Variants in SIRT5 observed in about 807,000 individuals in gnomAD.
SIRT5 encodes NAD-dependent protein deacylase sirtuin-5, mitochondrial.
In SIRT5, 26 loss-of-function variants were observed where a neutral mutation model predicts 40.0. That is an observed-to-expected ratio of 0.65 (90% CI 0.48 to 0.90). The LOEUF (loss-of-function observed/expected upper bound fraction) is 0.90. Among genes scored for constraint, SIRT5 ranks in the 40% least tolerant of loss-of-function variants. The pLI, the probability that SIRT5 is intolerant of heterozygous loss-of-function variation, is 0.00. For missense variants in SIRT5, 401 were observed against 402.4 expected (o/e 1.00, Z 0.03); for synonymous variants, 146 against 149.1 (o/e 0.98, Z 0.15).
intron 5 of SIRT5, among the ~76,000 whole-genome samples, chr6:13,594,175 G>A (rs933336454): frequency 3.3e-5 from 5 of 152,136 alleles, no homozygotes; most frequent in Non-Finnish European, 5.9e-5. Context: ...GTCAGGCCAC[G>A]GAGAATAACA....
intron 4 of SIRT5, among the ~76,000 whole-genome samples, chr6:13,589,819 C>G (rs959378148): frequency 6.6e-6 from 1 of 152,090 alleles, no homozygotes; most frequent in Non-Finnish European, 1.5e-5. Flanking sequence ...GGGAGGAGCT[C>G]GGAGGAGGGG....
At chr6:13,611,195 ATG>A (rs564440484) in intron 9 of SIRT5, among the ~76,000 whole-genome samples, 15,019 of 115,452 alleles carry the variant, frequency 0.13, 1,194 homozygotes, top group African/African-American at 0.15. Flanking sequence ...GTAATGTTTT[ATG>A]TGTGTGTGTG....
rs200525112 is a variant in SIRT5 at position 13,591,733 on chromosome 6, G to A, written c.314G>A (p.Arg105Gln). ...CGGGTGTGGGAGTTCTACCACTACCGGCGGGAGGTCATGGGGAGCAAGGAG... is the reference window on the plus strand; with the variant it reads ...CGGGTGTGGGAGTTCTACCACTACCAGCGGGAGGTCATGGGGAGCAAGGAG... ...PSRVWEFYHYRREVMGSKEPN... is the reference protein window; with the variant it reads ...PSRVWEFYHYQREVMGSKEPN... Residue 105 changes from arginine (R) to glutamine (Q), a missense_variant, in exon 5 of 10, where the codon CGG (arginine) becomes CAG (glutamine). Arg to Gln is a conservative substitution (Grantham distance 43, BLOSUM62 1). Transcript: ENST00000606117. 6.1e-5 allele frequency: 99 copies of A among 1,611,644 alleles called. No individual in the cohort carries two copies. The highest frequency in any genetic ancestry group is 1.7e-4 in the Middle Eastern group (1 of 6,050).
intron 2 of SIRT5, among the ~76,000 whole-genome samples, chr6:13,583,428 G>A (rs1020603482): frequency 6.6e-6 from 1 of 151,146 alleles, no homozygotes; most frequent in Non-Finnish European, 1.5e-5. Context: ...CTGAGTAGCT[G>A]GGATTACAGG....
At position 13,611,995 on chromosome 6, in the gene SIRT5, C is replaced by G. The variant is rs2127748482; in HGVS notation, c.*130C>G. On this transcript the variant is annotated 3_prime_UTR_variant, in exon 10 of 10. Transcript: ENST00000606117. ...TAGCCTCTGATTCCCTCGCTGGAATCCAACCTGTTGATAAGTGATGGGGGT... is the reference window on the plus strand; with the variant it reads ...TAGCCTCTGATTCCCTCGCTGGAATGCAACCTGTTGATAAGTGATGGGGGT... The G allele has an allele frequency of 2.5e-6, 2 of 799,218 alleles. No individual in the cohort carries two copies. The highest frequency in any genetic ancestry group is 2.5e-5 in the East Asian group (1 of 39,732). 49.5% of individuals were successfully genotyped at this position (799,218 alleles called of 1,614,324 possible). A position where few individuals can be genotyped will look rare whatever the true frequency, so the allele number is the denominator to read the frequency against.
chr6:13,576,019 G>A (rs1758587099), intron 1 of SIRT5, among the ~76,000 whole-genome samples: 2 of 152,126 alleles, frequency 1.3e-5, no homozygotes, highest in Admixed American at 6.5e-5. Context: ...GTATTCCATT[G>A]TATATATGTG....
At chr6:13,602,048 CTT>C (rs1762462954) in intron 9 of SIRT5, among the ~76,000 whole-genome samples, 1 of 152,032 alleles carries the variant, frequency 6.6e-6, no homozygotes, top group Non-Finnish European at 1.5e-5. Flanking sequence ...CTATGCAAAA[CTT>C]ATACTCTGAA....
rs1053080392 is a variant in SIRT5 at position 13,574,740 on chromosome 6, C to T, written c.-199C>T. The T allele has an allele frequency of 6.6e-6, 1 of 152,268 alleles. No individual in the cohort carries two copies. Among genetic ancestry groups the T allele is most frequent in the Non-Finnish European group, 1.5e-5 (1 of 68,200 alleles). The allele number at this position is 152,268 out of a possible 1,614,324, so 9.4% of individuals were successfully genotyped here. Reference sequence around the variant, plus strand: ...AGCGGGCCGGCAGCATGTGCGGGGCCCAAGGTCTTCCGGGCTCTGCGTGGG... The same window carrying T: ...AGCGGGCCGGCAGCATGTGCGGGGCTCAAGGTCTTCCGGGCTCTGCGTGGG... On this transcript the variant is annotated 5_prime_UTR_variant, in exon 1 of 10. Coordinates refer to ENST00000606117, the MANE Select transcript of SIRT5 (RefSeq NM_012241.5).
chr6:13,602,024 A>G (rs1762459711), intron 9 of SIRT5, among the ~76,000 whole-genome samples: 1 of 152,176 alleles, frequency 6.6e-6, no homozygotes, highest in Non-Finnish European at 1.5e-5. Context: ...ATAGCCTTAA[A>G]AAAAAATTGC....
rs950115204 is a variant in SIRT5, at chr6:13,613,174, C to T, written c.*1309C>T. 6.6e-6 allele frequency: 1 copy of T among 152,306 alleles called. No individual in the cohort carries two copies. Among genetic ancestry groups the T allele is most frequent in the African/African-American group, 2.4e-5 (1 of 41,442 alleles). The allele number at this position is 152,306 out of a possible 1,614,324, so 9.4% of individuals were successfully genotyped here. A position where few individuals can be genotyped will look rare whatever the true frequency, so the allele number is the denominator to read the frequency against. On this transcript the variant is annotated 3_prime_UTR_variant, in exon 10 of 10. Transcript: ENST00000606117. ...ATAGCACTTTCACTCAGCACCCTCC[C>T]CTCAGCAGCCTCCACGTGGCAACCC... is the stretch of plus-strand genomic sequence containing the variant.
intron 1 of SIRT5, among the ~76,000 whole-genome samples, chr6:13,577,508 C>G (rs1758780162): frequency 6.6e-6 from 1 of 151,636 alleles, no homozygotes; most frequent in East Asian, 1.9e-4. Context: ...TGCAACTTCC[C>G]TGAATTTATT....
At position 13,591,892 on chromosome 6, in the gene SIRT5, A is replaced by G. The variant is rs143612733; in HGVS notation, c.473A>G (p.His158Arg). The G allele has an allele frequency of 9.3e-6, 15 of 1,610,156 alleles. No individual in the cohort carries two copies. In the African/African-American group the frequency reaches 1.5e-4, roughly 16 times the overall value. ...KAGTKNLLEI[H>R]GSLFKTRCTS... ...GGCACCAAGAACCTTCTGGAGATCCATGGTGAGAGACCCCCAGCCTCCCAT... is the reference window on the plus strand; with the variant it reads ...GGCACCAAGAACCTTCTGGAGATCCGTGGTGAGAGACCCCCAGCCTCCCAT... Residue 158 changes from histidine (H) to arginine (R), a missense_variant and splice_region_variant, in exon 5 of 10, where the codon CAT becomes CGT. Coordinates refer to ENST00000606117, the MANE Select transcript of SIRT5 (RefSeq NM_012241.5).
Position 13,578,588 on chromosome 6 carries a change from G to A in SIRT5, c.-194-863G>A, listed in dbSNP as rs938929702. Reference sequence around the variant, plus strand: ...GTGGAGACGGCGCCACTGCACTGCAGCTGGGGGGACAGAGCGAGACTCCAT... The same window carrying A: ...GTGGAGACGGCGCCACTGCACTGCAACTGGGGGGACAGAGCGAGACTCCAT... On this transcript the variant is annotated intron_variant, in intron 1 of 9. Transcript: ENST00000606117. Among the ~76,000 whole-genome samples the A allele has an allele frequency of 3.4e-5, 5 of 146,798 alleles. No homozygotes were observed. The South Asian group carries it at 1.1e-3, about 32-fold the overall frequency.
chr6:13,585,443 C>A (rs1759943316), intron 3 of SIRT5, among the ~76,000 whole-genome samples: 1 of 151,774 alleles, frequency 6.6e-6, no homozygotes, highest in African/African-American at 2.4e-5. Context: ...CGCCCTGTAC[C>A]CATGTGTTCT....
At chr6:13,599,249 C>T (rs1762046012) in intron 8 of SIRT5, 94 bp downstream of exon 8, 2 of 1,360,224 alleles carry the variant, frequency 1.5e-6, no homozygotes, top group Non-Finnish European at 2.0e-6. Context: ...TCCCTTGCTT[C>T]TTTCCTTCCC....
At chr6:13,587,683 CTCTGTCT>C (rs2127638918) in intron 3 of SIRT5, among the ~76,000 whole-genome samples, 1 of 152,346 alleles carries the variant, frequency 6.6e-6, no homozygotes, top group Admixed American at 6.5e-5. Flanking sequence ...TCGTGTTATT[CTCTGTCT>C]TCAGTTCCCT....
chr6:13,610,492 T>C (rs918792443), intron 9 of SIRT5, among the ~76,000 whole-genome samples: 3 of 152,238 alleles, frequency 2.0e-5, no homozygotes, highest in African/African-American at 7.2e-5. Flanking sequence ...CTCTATTTGG[T>C]ACTCCATATG....
At chr6:13,604,766 A>T (rs1352820487) in intron 9 of SIRT5, 1 of 1,204,932 alleles carries the variant, frequency 8.3e-7, no homozygotes, top group African/African-American at 1.6e-5. Flanking sequence ...TGCTCAAGTC[A>T]AGCCTCCTAA....
chr6:13,608,158 C>T (rs192173754), intron 9 of SIRT5, among the ~76,000 whole-genome samples: 9 of 152,328 alleles, frequency 5.9e-5, no homozygotes, highest in Admixed American at 4.6e-4. Context: ...TACCACCATC[C>T]ATTTACAAAA....
Sources: allele counts gnomAD v4.1 joint callset (sites outside exome capture counted in the v4.1 genomes callset), GRCh38; gene constraint gnomAD v4.1.1; transcripts MANE v1.5; gene names NCBI Gene and HGNC (gene_info 2026-07-23, HGNC 2026-07-21).